GRHL2: variants seen among roughly 807,000 people sequenced by gnomAD.
GRHL2 encodes grainyhead-like protein 2 homolog.
GRHL2 carries 21 observed loss-of-function variants against 83.8 expected under a neutral mutation model. That is an observed-to-expected ratio of 0.25 (90% CI 0.18 to 0.36). GRHL2 has a LOEUF of 0.36. GRHL2 is among the 10% of genes least tolerant of loss of function. The pLI, the probability that GRHL2 is intolerant of heterozygous loss-of-function variation, is 1.00. For synonymous variants in GRHL2, 280 were observed against 278.9 expected (o/e 1.00, Z -0.04); for missense variants, 623 against 781.8 (o/e 0.80, Z 2.42).
intron 1 of GRHL2, among the ~76,000 whole-genome samples, chr8:101,529,773 A>G (rs1459912440): frequency 1.3e-5 from 2 of 152,166 alleles, no homozygotes; most frequent in Non-Finnish European, 2.9e-5. Context: ...AGTTAGACTG[A>G]AGACCTTTCA....
chr8:101,603,994 C>T (rs1313566853), intron 8 of GRHL2, among the ~76,000 whole-genome samples: 1 of 132,928 alleles, frequency 7.5e-6, no homozygotes. Flanking sequence ...CAGCTTTTTA[C>T]TTCCCCTGTT....
intron 1 of GRHL2, among the ~76,000 whole-genome samples, chr8:101,493,813 C>T (rs1447912383): frequency 6.6e-6 from 1 of 151,982 alleles, no homozygotes; most frequent in Non-Finnish European, 1.5e-5. Flanking sequence ...ACAGCCTGCG[C>T]GGCCGGAGCC....
chr8:101,631,941 A>G (rs1476660237), intron 10 of GRHL2, among the ~76,000 whole-genome samples: 1 of 152,192 alleles, frequency 6.6e-6, no homozygotes, highest in Non-Finnish European at 1.5e-5. Context: ...AGGACTTTGT[A>G]ATAATGTGGA....
rs368178801 is a variant in GRHL2 at position 101,517,444 on chromosome 8, C to T, written c.20+24655C>T. Among the ~76,000 whole-genome samples the T allele has an allele frequency of 4.6e-5, 7 of 152,306 alleles. No homozygotes were observed. The East Asian group carries it at 7.7e-4, about 17-fold the overall frequency. On this transcript the variant is annotated intron_variant, in intron 1 of 15. Coordinates refer to ENST00000646743, the MANE Select transcript of GRHL2 (RefSeq NM_024915.4). ...TGCAGGGAAAGTGTCCAGGCAGCTG[C>T]CACAATAACATTAAGCAAGCCACTA...
chr8:101,527,920 T>C (rs1040607975), intron 1 of GRHL2, among the ~76,000 whole-genome samples: 2 of 152,202 alleles, frequency 1.3e-5, no homozygotes, highest in East Asian at 1.9e-4. Context: ...TTCTGTTCTG[T>C]TGAATGTTAC....
chr8:101,495,250 C>A (rs1036297596), intron 1 of GRHL2, among the ~76,000 whole-genome samples: 17 of 152,286 alleles, frequency 1.1e-4, no homozygotes, highest in African/African-American at 3.8e-4. Context: ...ATAACATGAA[C>A]GAACACACAC....
intron 1 of GRHL2, among the ~76,000 whole-genome samples, chr8:101,535,995 G>A (rs1315397052): frequency 2.0e-5 from 3 of 152,206 alleles, no homozygotes; most frequent in African/African-American, 7.2e-5. Context: ...TTTTCTGGAG[G>A]ATGGGATGTT....
chr8:101,599,696 A>G (rs1485349612), intron 8 of GRHL2, among the ~76,000 whole-genome samples: 5 of 152,126 alleles, frequency 3.3e-5, no homozygotes, highest in African/African-American at 4.8e-5. Flanking sequence ...TGTTTTTTGG[A>G]GTGCCCACAT....
intron 8 of GRHL2, among the ~76,000 whole-genome samples, chr8:101,609,743 T>G (rs1812709750): frequency 6.6e-6 from 1 of 150,888 alleles, no homozygotes; most frequent in Non-Finnish European, 1.5e-5. Flanking sequence ...TTGTGTAAAA[T>G]AGGAAATGAG....
chr8:101,558,307 C>A, intron 3 of GRHL2, 112 bp from the exon 4 acceptor site: 2 of 1,289,126 alleles, frequency 1.6e-6, no homozygotes, highest in Non-Finnish European at 2.2e-6. Flanking sequence ...GCCCCCTGTC[C>A]CTTAATGGCA....
intron 1 of GRHL2, among the ~76,000 whole-genome samples, chr8:101,541,015 G>T (rs922274864): frequency 8.5e-5 from 13 of 152,122 alleles, no homozygotes; most frequent in African/African-American, 3.1e-4. Flanking sequence ...TTATAAGTGA[G>T]AACATGTAGT....
chr8:101,652,309 AGTGT>A (rs1028281527), intron 14 of GRHL2, among the ~76,000 whole-genome samples: 1 of 139,322 alleles, frequency 7.2e-6, no homozygotes, highest in Non-Finnish European at 1.5e-5. Context: ...GTATATTGGT[AGTGT>A]GTGTGCGTGT....
At chr8:101,564,717 C>T (rs767554108) in intron 4 of GRHL2, among the ~76,000 whole-genome samples, 9 of 140,758 alleles carry the variant, frequency 6.4e-5, no homozygotes, top group South Asian at 2.5e-4. Context: ...GAGGCTGAGG[C>T]GGGAGGATTG....
chr8:101,498,131 A>AT (rs1810145886), intron 1 of GRHL2, among the ~76,000 whole-genome samples: 1 of 152,056 alleles, frequency 6.6e-6, no homozygotes, highest in Admixed American at 6.6e-5. Flanking sequence ...TTATTTATTT[A>AT]TTTTTGAGAC....
intron 7 of GRHL2, among the ~76,000 whole-genome samples, chr8:101,587,243 C>T (rs1281746525): frequency 1.3e-5 from 2 of 152,182 alleles, no homozygotes; most frequent in Non-Finnish European, 2.9e-5. Context: ...ATTTCTCCTA[C>T]TCCTGGAAAT....
intron 13 of GRHL2, among the ~76,000 whole-genome samples, chr8:101,644,526 G>A (rs1813469810): frequency 6.6e-6 from 1 of 152,200 alleles, no homozygotes; most frequent in African/African-American, 2.4e-5. Context: ...TGCGTGTGTG[G>A]ACAGTCATAC....
intron 8 of GRHL2, among the ~76,000 whole-genome samples, chr8:101,599,499 G>A (rs952742947): frequency 6.6e-6 from 1 of 152,198 alleles, no homozygotes; most frequent in South Asian, 2.1e-4. Flanking sequence ...GGAGCTCAGA[G>A]CTGATGTCTT....
intron 2 of GRHL2, among the ~76,000 whole-genome samples, chr8:101,551,649 TACAC>T (rs1470011234): frequency 6.7e-6 from 1 of 149,130 alleles, no homozygotes; most frequent in Non-Finnish European, 1.5e-5. Flanking sequence ...GAAAGAAAAA[TACAC>T]AAACAAAAAA....
At chr8:101,574,558 T>G (rs1203279019) in intron 6 of GRHL2, among the ~76,000 whole-genome samples, 1 of 152,252 alleles carries the variant, frequency 6.6e-6, no homozygotes, top group African/African-American at 2.4e-5. Flanking sequence ...CCAGCCCACC[T>G]TATTTTAGTC....
Sources: allele counts gnomAD v4.1 joint callset (sites outside exome capture counted in the v4.1 genomes callset), GRCh38; gene constraint gnomAD v4.1.1; transcripts MANE v1.5; gene names NCBI Gene and HGNC (gene_info 2026-07-23, HGNC 2026-07-21).